Variants in NUP85 observed in about 807,000 individuals in gnomAD.
NUP85 encodes nucleoporin 85.
A neutral mutation model predicts 92.8 loss-of-function variants in NUP85; 23 were observed. The observed-to-expected ratio is 0.25, with a 90% CI of 0.18 to 0.35. The LOEUF (loss-of-function observed/expected upper bound fraction) is 0.35, where lower values mean the gene tolerates loss of function less well. NUP85 is among the 10% of genes least tolerant of loss of function. The probability of loss-of-function intolerance (pLI) is 1.00; values close to 1 mark genes in which losing one functional copy is unlikely to be tolerated. For missense variants in NUP85, 759 were observed against 822.8 expected (o/e 0.92, Z 0.95); for synonymous variants, 314 against 306.9 (o/e 1.02, Z -0.24).
In NUP85 at chr17:75,231,678, TTC is replaced by T; in HGVS notation, c.1244+41_1244+42del. ...ATGGGTGTGGGCTATGCGGGTGCTC[TTC>T]AGCATGCGGGTGCCATTGGAGCTTG... On this transcript the variant is annotated intron_variant, in intron 13 of 18. Transcript: ENST00000245544. The surrounding 1 kb of genome is among the most constrained non-coding windows in gnomAD (Gnocchi z 4.6). 6.4e-7 allele frequency: 1 copy of T among 1,567,394 alleles called. No individual in the cohort carries two copies.
chr17:75,211,296 C>G (rs2075252090), intron 3 of NUP85, among the ~76,000 whole-genome samples: 1 of 151,984 alleles, frequency 6.6e-6, no homozygotes, highest in African/African-American at 2.4e-5. Flanking sequence ...AGCCACTGCA[C>G]CTGGCCTGAT....
rs547156463 is a variant in NUP85 at position 75,233,207 on chromosome 17, TG to T, written c.1615+53del. 3.8e-4 allele frequency: 578 copies of T among 1,516,038 alleles called. 1 individual carries two copies. In the African/African-American group the frequency reaches 3.9e-3, roughly 10 times the overall value. The allele number at this position is 1,516,038 out of a possible 1,614,324, so 93.9% of individuals were successfully genotyped here. On this transcript the variant is annotated intron_variant, in intron 16 of 18. Transcript: ENST00000245544. Reference sequence around the variant, plus strand: ...TGTGCTTTGGGCACAAGTGGGTAGTTGGGGAGGTTGGAGGGATCACGTCAGA... The same window carrying T: ...TGTGCTTTGGGCACAAGTGGGTAGTTGGGAGGTTGGAGGGATCACGTCAGA...
intron 3 of NUP85, 50 bp from the exon 4 acceptor site, chr17:75,211,942 C>T: frequency 2.2e-6 from 3 of 1,379,916 alleles, no homozygotes; most frequent in South Asian, 1.2e-5. Flanking sequence ...TCCTTTGTGG[C>T]ACTACAAGAT....
intron 3 of NUP85, among the ~76,000 whole-genome samples, chr17:75,211,152 G>A (rs1272872136): frequency 1.3e-5 from 2 of 150,468 alleles, no homozygotes; most frequent in Non-Finnish European, 3.0e-5. Flanking sequence ...ACAGGTGCGT[G>A]CCACCACGCC....
At chr17:75,232,364 TGAG>T (rs1160864370) in intron 14 of NUP85, among the ~76,000 whole-genome samples, 2 of 152,092 alleles carry the variant, frequency 1.3e-5, no homozygotes, top group African/African-American at 2.4e-5. Flanking sequence ...GAGAGTGGAA[TGAG>T]GATGACCAAG....
At chr17:75,219,181 AAAAAG>A (rs1041255755) in intron 7 of NUP85, among the ~76,000 whole-genome samples, 11 of 152,162 alleles carry the variant, frequency 7.2e-5, no homozygotes, top group East Asian at 1.9e-4. Flanking sequence ...GAGGACAAAA[AAAAAG>A]AAAAGAAAAG....
intron 3 of NUP85, among the ~76,000 whole-genome samples, chr17:75,211,244 C>T (rs2075250735): frequency 6.6e-6 from 1 of 151,962 alleles, no homozygotes. Context: ...CTCAAGTGAT[C>T]TGCCCACCTC....
At chr17:75,223,056 TCAGGGCCAA>T (rs1349077748) in intron 7 of NUP85, among the ~76,000 whole-genome samples, 2 of 134,328 alleles carry the variant, frequency 1.5e-5, no homozygotes, top group Non-Finnish European at 3.1e-5. Context: ...AAAAAAAAAC[TCAGGGCCAA>T]CAGCACTATA....
chr17:75,229,530 CTG>C (rs1386969799), intron 11 of NUP85, among the ~76,000 whole-genome samples: 1 of 152,194 alleles, frequency 6.6e-6, no homozygotes, highest in East Asian at 1.9e-4. Context: ...CCCACCTGCT[CTG>C]TGTCTCGGCT....
chr17:75,225,873 G>A (rs772871058), intron 10 of NUP85, 44 bp downstream of exon 10: 3 of 1,611,392 alleles, frequency 1.9e-6, no homozygotes, highest in Non-Finnish European at 2.5e-6. Context: ...AGGAGTCCTG[G>A]GGGCGCCCTG....
At chr17:75,206,183 T>A (rs1042672515) in intron 1 of NUP85, among the ~76,000 whole-genome samples, 1 of 152,192 alleles carries the variant, frequency 6.6e-6, no homozygotes, top group Non-Finnish European at 1.5e-5. Flanking sequence ...CTGTGTGGCC[T>A]AAGGTTTATT....
At chr17:75,230,303 A>G (rs1170857836) in intron 11 of NUP85, among the ~76,000 whole-genome samples, 1 of 150,940 alleles carries the variant, frequency 6.6e-6, no homozygotes, top group Non-Finnish European at 1.5e-5. Flanking sequence ...TCGGCCTTTC[A>G]GTGTTGGGAT....
chr17:75,219,767 G>A (rs2145316867), intron 7 of NUP85, among the ~76,000 whole-genome samples: 1 of 152,278 alleles, frequency 6.6e-6, no homozygotes, highest in East Asian at 1.9e-4. Context: ...AGGGAGGGAG[G>A]CTGCAAGTGC....
At chr17:75,207,753 C>CAGGCAT (rs1186240826) in intron 1 of NUP85, among the ~76,000 whole-genome samples, 1 of 152,008 alleles carries the variant, frequency 6.6e-6, no homozygotes, top group African/African-American at 2.4e-5. Flanking sequence ...GCTGGGATTA[C>CAGGCAT]AGGCATGAGC....
chr17:75,205,901 C>T, intron 1 of NUP85, 107 bp downstream of exon 1: 2 of 1,312,998 alleles, frequency 1.5e-6, no homozygotes, highest in Non-Finnish European at 2.2e-6. Context: ...GCGCTCGTCC[C>T]CTTCCCTCGA....
At chr17:75,225,853 G>T in intron 10 of NUP85, 24 bp downstream of exon 10, 1 of 1,613,800 alleles carries the variant, frequency 6.2e-7, no homozygotes, top group Non-Finnish European at 8.5e-7. Context: ...GGGTGGGCAA[G>T]GGTGGGGGTA....
At chr17:75,220,482 C>T (rs1352811580) in intron 7 of NUP85, among the ~76,000 whole-genome samples, 1 of 151,480 alleles carries the variant, frequency 6.6e-6, no homozygotes, top group East Asian at 1.9e-4. Context: ...GCACAATCAC[C>T]AGTCACTGTA....
Position 75,235,671 on chromosome 17 carries a change from G to T in NUP85, c.1963G>T (p.Gly655Cys). Residue 655 changes from glycine (G) to cysteine (C), a missense_variant, in exon 19 of 19, where the codon GGT (glycine) becomes TGT (cysteine). Coordinates refer to ENST00000245544, the MANE Select transcript of NUP85 (RefSeq NM_024844.5). ...AATTATAAGAGAAGGCTCACTGGAA[G>T]GTTCCTGAGAACTGCTTCAATGTGG... ...RAIIREGSLEGS is the reference protein window; with the variant it reads ...RAIIREGSLECS The T allele has an allele frequency of 6.2e-7, 1 of 1,612,082 alleles. No individual in the cohort carries two copies. The highest frequency in any genetic ancestry group is 8.5e-7 in the Non-Finnish European group (1 of 1,178,122).
chr17:75,231,668 GCGGGTGCTCTTCAGCA>G lies in NUP85; in HGVS notation c.1244+31_1244+46del, dbSNP rs2076063968. The G allele has an allele frequency of 6.4e-7, 1 of 1,569,562 alleles. No homozygotes were observed. The highest frequency in any genetic ancestry group is 1.8e-5 in the Admixed American group (1 of 54,576). On this transcript the variant is annotated intron_variant, in intron 13 of 18. Coordinates refer to ENST00000245544, the MANE Select transcript of NUP85 (RefSeq NM_024844.5). The surrounding 1 kb of genome is among the most constrained non-coding windows in gnomAD (Gnocchi z 4.6). ...GAAGGACCCCATGGGTGTGGGCTAT[GCGGGTGCTCTTCAGCA>G]TGCGGGTGCCATTGGAGCTTGGACT... is the stretch of plus-strand genomic sequence containing the variant.
Sources: gnomAD v4.1 joint callset for allele counts (sites outside exome capture counted in the v4.1 genomes callset) on GRCh38, gnomAD v4.1.1 for gene constraint, Gnocchi (gnomAD v3.1) non-coding constraint, MANE v1.5 for transcripts, NCBI Gene and HGNC (gene_info 2026-07-23, HGNC 2026-07-21) for gene names.